Variants in LIPI observed in about 807,000 individuals in gnomAD.
LIPI encodes the protein lipase member I.
In LIPI, 59 loss-of-function variants were observed where a neutral mutation model predicts 50.6. The ratio of observed to expected loss-of-function variants is 1.16; its 90% CI spans 0.94 to 1.45. LIPI has a LOEUF of 1.45. Ranked by LOEUF, LIPI falls within the 40% of genes most tolerant of loss-of-function variation. The pLI is 0.00. For missense variants in LIPI, 586 were observed against 536.3 expected (o/e 1.09, Z -0.92); for synonymous variants, 203 against 178.2 (o/e 1.14, Z -1.11).
intron 2 of LIPI, among the ~76,000 whole-genome samples, chr21:14,188,575 A>G (rs1359056543): frequency 6.7e-6 from 1 of 148,936 alleles, no homozygotes; most frequent in African/African-American, 2.6e-5. Context: ...CTCAAAAAAA[A>G]AAAAAAAAAA....
At chr21:14,172,803 A>T (rs1261142120) in intron 4 of LIPI, among the ~76,000 whole-genome samples, 1 of 152,066 alleles carries the variant, frequency 6.6e-6, no homozygotes, top group East Asian at 1.9e-4. Flanking sequence ...CCAGCATGGC[A>T]CATGTATACA....
At chr21:14,167,346 C>T (rs962853621) in intron 4 of LIPI, among the ~76,000 whole-genome samples, 10 of 152,218 alleles carry the variant, frequency 6.6e-5, no homozygotes, top group African/African-American at 2.4e-4. Context: ...TGTCTGACAG[C>T]TTTGAAGAGA....
At chr21:14,179,947 T>G (rs144357872) in intron 4 of LIPI, among the ~76,000 whole-genome samples, 3,929 of 152,262 alleles carry the variant, frequency 0.026, 66 homozygotes, top group Admixed American at 0.032. Flanking sequence ...TTTTTCTTCT[T>G]GCAGAGAGCG....
At chr21:14,167,784 T>C (rs139560251) in intron 4 of LIPI, among the ~76,000 whole-genome samples, 2 of 151,942 alleles carry the variant, frequency 1.3e-5, no homozygotes, top group African/African-American at 2.4e-5. Context: ...GCAGAAAAAC[T>C]GGAAACTCTA....
At chr21:14,183,004 C>T (rs2019325437) in intron 3 of LIPI, among the ~76,000 whole-genome samples, 1 of 152,068 alleles carries the variant, frequency 6.6e-6, no homozygotes, top group African/African-American at 2.4e-5. Flanking sequence ...CAAAAAAGAG[C>T]CCGCATCGCC....
At chr21:14,171,083 A>T (rs1470674577) in intron 4 of LIPI, among the ~76,000 whole-genome samples, 1 of 149,266 alleles carries the variant, frequency 6.7e-6, no homozygotes, top group Non-Finnish European at 1.5e-5. Context: ...AGACAAACAG[A>T]GAGCCAAATC....
intron 4 of LIPI, among the ~76,000 whole-genome samples, chr21:14,180,140 C>T (rs758896866): frequency 6.6e-6 from 1 of 152,074 alleles, no homozygotes; most frequent in Non-Finnish European, 1.5e-5. Flanking sequence ...CCTGCAGTAC[C>T]CTCAGGCTTC....
At position 14,180,400 on chromosome 21, in the gene LIPI, T is replaced by C. The variant is rs454065; in HGVS notation, c.643+1358A>G. Reference sequence around the variant, plus strand: ...GCTGGTCTGAGACTCAAGCGGGCATTGTGGTCCTACTGATATGTGATGTCA... The same window carrying C: ...GCTGGTCTGAGACTCAAGCGGGCATCGTGGTCCTACTGATATGTGATGTCA... On this transcript the variant is annotated intron_variant, in intron 4 of 9. Transcript: ENST00000681601. Among the ~76,000 whole-genome samples the C allele has an allele frequency of 0.55, 84,169 of 152,012 alleles. 23,723 individuals carry two copies. The highest frequency in any genetic ancestry group is 0.61 in the African/African-American group (25,152 of 41,446).
intron 7 of LIPI, among the ~76,000 whole-genome samples, chr21:14,154,947 T>C (rs2018223720): frequency 6.6e-6 from 1 of 152,000 alleles, no homozygotes; most frequent in Non-Finnish European, 1.5e-5. Context: ...ATCACAACAT[T>C]GTTAAGAAAA....
chr21:14,118,912 A>T (rs541249255), intron 9 of LIPI, among the ~76,000 whole-genome samples: 1 of 152,228 alleles, frequency 6.6e-6, no homozygotes, highest in East Asian at 1.9e-4. Context: ...ATGCTCCCCT[A>T]TTGCTGGTGT....
chr21:14,135,851 C>T (rs2017478427), intron 9 of LIPI, among the ~76,000 whole-genome samples: 1 of 152,118 alleles, frequency 6.6e-6, no homozygotes, highest in African/African-American at 2.4e-5. Context: ...ACTGGCATTA[C>T]CCCTTCCCTA....
chr21:14,165,962 T>C (rs1014167056), intron 5 of LIPI, among the ~76,000 whole-genome samples: 1 of 152,204 alleles, frequency 6.6e-6, no homozygotes, highest in Non-Finnish European at 1.5e-5. Flanking sequence ...TATCTTTATG[T>C]ACAGAACAAT....
At chr21:14,127,670 T>C (rs372323999) in intron 9 of LIPI, among the ~76,000 whole-genome samples, 1 of 152,160 alleles carries the variant, frequency 6.6e-6, no homozygotes, top group Non-Finnish European at 1.5e-5. Context: ...AAATAAAATA[T>C]GGACAGACCT....
At chr21:14,149,403 G>A (rs7276034) in intron 8 of LIPI, among the ~76,000 whole-genome samples, 59,413 of 151,946 alleles carry the variant, frequency 0.39, 12,840 homozygotes, top group African/African-American at 0.58. Context: ...GTGAGACTTC[G>A]GTAGGAACAC....
chr21:14,167,700 C>A (rs2018742104), intron 4 of LIPI, among the ~76,000 whole-genome samples: 1 of 152,106 alleles, frequency 6.6e-6, no homozygotes, highest in Non-Finnish European at 1.5e-5. Context: ...ACATCCACAC[C>A]AAAAACCCAT....
intron 7 of LIPI, among the ~76,000 whole-genome samples, chr21:14,157,763 G>A (rs935105948): frequency 2.0e-5 from 3 of 151,936 alleles, no homozygotes; most frequent in Non-Finnish European, 4.4e-5. Flanking sequence ...GAACCACAGA[G>A]AATTATTCCC....
At chr21:14,182,287 A>C (rs1308885718) in intron 3 of LIPI, among the ~76,000 whole-genome samples, 1 of 152,154 alleles carries the variant, frequency 6.6e-6, no homozygotes, top group Non-Finnish European at 1.5e-5. Flanking sequence ...TTAGGTGCCA[A>C]ATATAATTTG....
intron 7 of LIPI, among the ~76,000 whole-genome samples, chr21:14,154,508 C>G (rs2018209235): frequency 6.6e-6 from 1 of 151,580 alleles, no homozygotes; most frequent in African/African-American, 2.4e-5. Context: ...ATGTAGAAAA[C>G]TGAAATTGGT....
At chr21:14,145,011 C>A (rs570814178) in intron 8 of LIPI, among the ~76,000 whole-genome samples, 1 of 151,888 alleles carries the variant, frequency 6.6e-6, no homozygotes, top group Admixed American at 6.6e-5. Context: ...AAATGCATTC[C>A]CTCATAGAAC....
Sources: gnomAD v4.1 joint callset for allele counts (sites outside exome capture counted in the v4.1 genomes callset) on GRCh38, gnomAD v4.1.1 for gene constraint, MANE v1.5 for transcripts, NCBI Gene and HGNC (gene_info 2026-07-23, HGNC 2026-07-21) for gene names.